Variants in ARHGEF4 observed in about 807,000 individuals in gnomAD.
The protein encoded by ARHGEF4 is Rho guanine nucleotide exchange factor 4, also known as APC-stimulated guanine nucleotide exchange factor 1.
A neutral mutation model predicts 162.0 loss-of-function variants in ARHGEF4; 119 were observed. That is an observed-to-expected ratio of 0.73 (90% CI 0.63 to 0.86). ARHGEF4 has a LOEUF of 0.86. ARHGEF4 is among the 40% of genes least tolerant of loss of function. The pLI is 0.00. For missense variants in ARHGEF4, 2,488 were observed against 2,456.0 expected, an observed-to-expected ratio of 1.01 and a Z score of -0.28; for synonymous variants, 1,014 against 979.9, an observed-to-expected ratio of 1.03 and a Z score of -0.65.
At chr2:130,937,828 C>T (rs888881979) in intron 3 of ARHGEF4, among the ~76,000 whole-genome samples, 24 of 152,002 alleles carry the variant, frequency 1.6e-4, no homozygotes, top group Admixed American at 1.4e-3. Flanking sequence ...CCACCATGCC[C>T]GGCTAATTTT....
intron 1 of ARHGEF4, among the ~76,000 whole-genome samples, chr2:130,899,170 G>A (rs934665570): frequency 1.3e-5 from 2 of 152,136 alleles, no homozygotes; most frequent in East Asian, 1.9e-4. Context: ...AAGGTCAACC[G>A]ATTAGTAACC....
intron 1 of ARHGEF4, among the ~76,000 whole-genome samples, chr2:130,876,419 A>G (rs2104946136): frequency 6.6e-6 from 1 of 152,290 alleles, no homozygotes; most frequent in East Asian, 1.9e-4. Context: ...TCTTTGAGAC[A>G]GAGTCTCTGT....
chr2:130,854,846 T>TTTTTTTTATTTA (rs1681652985), intron 1 of ARHGEF4, among the ~76,000 whole-genome samples: 4 of 140,314 alleles, frequency 2.9e-5, no homozygotes, highest in African/African-American at 7.9e-5. Context: ...GGAGTCTGAC[T>TTTTTTTTATTTA]TTTATTTATT....
intron 1 of ARHGEF4, among the ~76,000 whole-genome samples, chr2:130,878,790 A>G (rs1679019853): frequency 6.6e-6 from 1 of 152,216 alleles, no homozygotes; most frequent in Non-Finnish European, 1.5e-5. Flanking sequence ...ACAAAGATAA[A>G]TGAAATATGG....
In ARHGEF4 at chr2:130,836,964, T is replaced by A. The variant is rs888125332; in HGVS notation, c.11T>A (p.Val4Asp). 6 of 1,226,226 alleles carry A rather than the reference T, an allele frequency of 4.9e-6. No homozygotes were observed. Among genetic ancestry groups the A allele is most frequent in the Non-Finnish European group, 6.1e-6 (6 of 984,510 alleles). 76.0% of individuals were successfully genotyped at this position (1,226,226 alleles called of 1,614,324 possible). The change falls in exon 1 of 14, where the codon GTC (valine) becomes GAC (aspartate). Residue 4 changes from valine to aspartate, a missense_variant. Physicochemically the swap from Val to Asp is radical, Grantham distance 152. Coordinates refer to ENST00000409359, the MANE Select transcript of ARHGEF4 (RefSeq NM_001367493.1). ...GTCCCGGCGGCCACCATGCTCAGCG[T>A]CGTGCACTTCCTCCGGAGCTTCTTC... is the stretch of plus-strand genomic sequence containing the variant. MLS[V>D]VHFLRSFFKT...
intron 4 of ARHGEF4, among the ~76,000 whole-genome samples, chr2:131,024,712 AT>A (rs1385664404): frequency 6.6e-6 from 1 of 152,222 alleles, no homozygotes; most frequent in African/African-American, 2.4e-5. Context: ...TTTCAGAAAC[AT>A]ATGCTCTGGT....
chr2:130,881,881 T>C (rs1468012305), intron 1 of ARHGEF4, among the ~76,000 whole-genome samples: 1 of 151,676 alleles, frequency 6.6e-6, no homozygotes, highest in Non-Finnish European at 1.5e-5. Context: ...CAAAAGGGCG[T>C]GGTTGGAGGC....
intron 4 of ARHGEF4, among the ~76,000 whole-genome samples, chr2:130,968,628 A>G (rs1041921046): frequency 3.9e-5 from 6 of 152,226 alleles, no homozygotes; most frequent in African/African-American, 1.2e-4. Flanking sequence ...GCTAAGAAAT[A>G]TGAACTATTG....
chr2:130,880,235 C>T (rs1405023963), intron 1 of ARHGEF4, among the ~76,000 whole-genome samples: 1 of 152,306 alleles, frequency 6.6e-6, no homozygotes, highest in South Asian at 2.1e-4. Flanking sequence ...CCCCCTGCTG[C>T]CTCAGAAGTG....
Position 130,871,002 on chromosome 2 carries a change from G to A in ARHGEF4, c.39+34010G>A, listed in dbSNP as rs1446352702. On this transcript the variant is annotated intron_variant, in intron 1 of 13. Coordinates refer to ENST00000409359, the MANE Select transcript of ARHGEF4 (RefSeq NM_001367493.1). ...TAGGTAAGCCGTGGTGAACATCAGA[G>A]TGTGCTCAGGGGCTCCCTAGAAGCA... Among the ~76,000 whole-genome samples, 3 of 152,276 alleles carry A rather than the reference G, an allele frequency of 2.0e-5. No individual in the cohort carries two copies. In the South Asian group the frequency reaches 6.2e-4, roughly 32 times the overall value.
At chr2:130,960,725 A>G (rs1684576799) in intron 4 of ARHGEF4, among the ~76,000 whole-genome samples, 1 of 152,140 alleles carries the variant, frequency 6.6e-6, no homozygotes. Context: ...CCCCTGGTGA[A>G]GGCAGCTAAG....
chr2:130,987,092 C>G (rs1686562063), intron 4 of ARHGEF4, among the ~76,000 whole-genome samples: 1 of 152,228 alleles, frequency 6.6e-6, no homozygotes, highest in South Asian at 2.1e-4. Flanking sequence ...GGGGAGGAGC[C>G]ACTGCAGGCA....
In ARHGEF4 at chr2:130,865,342, A is replaced by C. The variant is rs367634745; in HGVS notation, c.39+28350A>C. Reference sequence around the variant, plus strand: ...TGGGGTAACCCAGGAGATGTTGTACAGTCCAGTTGCTGGAAAGTCATGCCT... The same window carrying C: ...TGGGGTAACCCAGGAGATGTTGTACCGTCCAGTTGCTGGAAAGTCATGCCT... On this transcript the variant is annotated intron_variant, in intron 1 of 13. Transcript: ENST00000409359. Among the ~76,000 whole-genome samples, 18 of 152,382 alleles carry C rather than the reference A, an allele frequency of 1.2e-4. No individual in the cohort carries two copies. The East Asian group carries it at 2.7e-3, about 23-fold the overall frequency.
chr2:131,031,316 C>T (rs1362573209), intron 5 of ARHGEF4, among the ~76,000 whole-genome samples: 1 of 152,244 alleles, frequency 6.6e-6, no homozygotes, highest in Non-Finnish European at 1.5e-5. Context: ...GAGCGGCCCA[C>T]TCGGGGCAGA....
chr2:130,979,391 G>C (rs948132353), intron 4 of ARHGEF4, among the ~76,000 whole-genome samples: 3 of 152,116 alleles, frequency 2.0e-5, no homozygotes, highest in Admixed American at 6.5e-5. Context: ...TTGAACTTCA[G>C]GGAACCTAAT....
At position 130,916,539 on chromosome 2, in the gene ARHGEF4, GGC is replaced by G; in HGVS notation, c.2595_2596del (p.Asp866GlnfsTer19). ...GCCCGAGTTTGTCCCGCAGGCTGCAGGCGACAGGACTGCAGGGCCGGCAGGAG... is the reference window on the plus strand; with the variant it reads ...GCCCGAGTTTGTCCCGCAGGCTGCAGGACAGGACTGCAGGGCCGGCAGGAG... ...AWPEFVPQAA[G>X]DRTAGPAGAG... is the part of the protein sequence containing the mutation. On this transcript the variant is annotated frameshift_variant, in exon 2 of 14. Coordinates refer to ENST00000409359, the MANE Select transcript of ARHGEF4 (RefSeq NM_001367493.1). LOFTEE classifies it high-confidence loss of function. The G allele has an allele frequency of 3.9e-6, 6 of 1,550,138 alleles. No individual in the cohort carries two copies. The highest frequency in any genetic ancestry group is 5.2e-6 in the Non-Finnish European group (6 of 1,146,938).
intron 2 of ARHGEF4, among the ~76,000 whole-genome samples, chr2:130,921,606 TA>T (rs1156807505): frequency 2.0e-5 from 3 of 152,228 alleles, no homozygotes; most frequent in African/African-American, 7.2e-5. Context: ...TCAGCCTTTT[TA>T]ATTTTAGCCA....
rs1558906436 is a variant in ARHGEF4, at chr2:131,045,446, G to T, written c.5479G>T (p.Ala1827Ser). 3 of 1,613,610 alleles carry T rather than the reference G, an allele frequency of 1.9e-6. No homozygotes were observed. The highest frequency in any genetic ancestry group is 2.5e-6 in the Non-Finnish European group (3 of 1,180,012). ...SKQQVTGKPK[A>S]VGRPCYLTRQ... ...GCAGCAGGTCACAGGGAAGCCCAAA[G>T]GTAGGCGGACAGCAGCCCCACCTCC... The change falls in exon 13 of 14, where the codon GCT becomes TCT. Residue 1827 changes from alanine (A) to serine (S), a missense_variant and splice_region_variant. This residue lies in a region of ARHGEF4 where 415 missense variants were observed against 512.4 expected (regional missense o/e 0.81). Transcript: ENST00000409359.
At chr2:130,905,750 CTTT>C (rs1171704346) in intron 1 of ARHGEF4, among the ~76,000 whole-genome samples, 3 of 152,122 alleles carry the variant, frequency 2.0e-5, no homozygotes, top group Non-Finnish European at 4.4e-5. Context: ...TATAATTACT[CTTT>C]TTATCACTAG....
Sources: gnomAD v4.1 joint callset for allele counts (sites outside exome capture counted in the v4.1 genomes callset) on GRCh38, gnomAD v4.1.1 for gene constraint, gnomAD v4.1.1 regional missense constraint, MANE v1.5 for transcripts, NCBI Gene and HGNC (gene_info 2026-07-23, HGNC 2026-07-21) for gene names.